The following GRM7 variants were observed in gnomAD, a reference collection of about 807,000 sequenced individuals.
GRM7 encodes the protein glutamate metabotropic receptor 7.
Under a neutral mutation model 84.5 loss-of-function variants are expected in GRM7, and 35 were observed. The observed-to-expected ratio is 0.41, with a 90% confidence interval of 0.32 to 0.55. GRM7 has a LOEUF of 0.55. Ranked by LOEUF, GRM7 falls within the 20% of genes least tolerant of loss-of-function variation. The pLI, the probability that GRM7 is intolerant of heterozygous loss-of-function variation, is 0.19. For synonymous variants in GRM7, 487 were observed against 455.1 expected, an observed-to-expected ratio of 1.07 and a Z score of -0.89; for missense variants, 1,003 against 1,194.6, an observed-to-expected ratio of 0.84 and a Z score of 2.36.
At chr3:7,646,291 A>G (rs1698633626) in intron 8 of GRM7, among the ~76,000 whole-genome samples, 1 of 152,110 alleles carries the variant, frequency 6.6e-6, no homozygotes, top group African/African-American at 2.4e-5. Flanking sequence ...TCCCAGGTTC[A>G]AGCAATTATC....
intron 8 of GRM7, among the ~76,000 whole-genome samples, chr3:7,586,312 A>G (rs1203075886): frequency 6.6e-6 from 1 of 152,176 alleles, no homozygotes; most frequent in Non-Finnish European, 1.5e-5. Flanking sequence ...ATACTGCTCC[A>G]GCCATTCCTC....
At chr3:7,501,450 A>G (rs562441112) in intron 7 of GRM7, among the ~76,000 whole-genome samples, 315 of 152,336 alleles carry the variant, frequency 2.1e-3, no homozygotes, top group Non-Finnish European at 3.8e-3. Flanking sequence ...TACGTGAGTC[A>G]GACTCTATGC....
chr3:7,091,156 T>C (rs1015143217), intron 1 of GRM7, among the ~76,000 whole-genome samples: 1 of 151,822 alleles, frequency 6.6e-6, no homozygotes, highest in Non-Finnish European at 1.5e-5. Context: ...ATAGAGGTAT[T>C]TTATAGGTTA....
intron 7 of GRM7, among the ~76,000 whole-genome samples, chr3:7,496,974 A>C (rs1314066364): frequency 6.6e-6 from 1 of 151,966 alleles, no homozygotes; most frequent in Non-Finnish European, 1.5e-5. Flanking sequence ...AAGAATAAAA[A>C]TAGGGTTAAT....
chr3:7,484,793 C>T (rs1371681674), intron 7 of GRM7, among the ~76,000 whole-genome samples: 2 of 152,160 alleles, frequency 1.3e-5, no homozygotes, highest in Non-Finnish European at 2.9e-5. Context: ...TGCCCATGTG[C>T]ATTCCCTTCT....
chr3:7,035,033 T>C (rs1696335872), intron 1 of GRM7, among the ~76,000 whole-genome samples: 1 of 152,092 alleles, frequency 6.6e-6, no homozygotes. Flanking sequence ...CCTGTGGATA[T>C]GGGGTGGGCC....
intron 8 of GRM7, 117 bp from the exon 9 acceptor site, chr3:7,679,932 T>C: frequency 1.2e-6 from 1 of 865,602 alleles, no homozygotes; most frequent in Non-Finnish European, 1.8e-6. Flanking sequence ...TTTATCAAAA[T>C]GCCCTGAAGA....
chr3:7,608,303 G>A (rs1575549840), intron 8 of GRM7, among the ~76,000 whole-genome samples: 3 of 152,156 alleles, frequency 2.0e-5, no homozygotes, highest in African/African-American at 4.8e-5. Context: ...TTGAGGAATC[G>A]CTTTCCACTA....
intron 2 of GRM7, among the ~76,000 whole-genome samples, chr3:7,291,515 T>G (rs1699623459): frequency 2.9e-5 from 1 of 34,698 alleles, no homozygotes; most frequent in Non-Finnish European, 6.6e-5. Context: ...TCTCTCTCTC[T>G]CTCTCTCTCT....
chr3:7,633,737 C>A (rs987704082), intron 8 of GRM7, among the ~76,000 whole-genome samples: 3 of 151,978 alleles, frequency 2.0e-5, no homozygotes, highest in African/African-American at 7.3e-5. Context: ...GATGTTCCTT[C>A]CCCGCAATGC....
intron 5 of GRM7, among the ~76,000 whole-genome samples, chr3:7,422,846 A>G (rs1685611877): frequency 6.6e-6 from 1 of 152,158 alleles, no homozygotes; most frequent in East Asian, 1.9e-4. Context: ...TTAGAAAATA[A>G]ATGGTGGAGA....
intron 1 of GRM7, among the ~76,000 whole-genome samples, chr3:7,080,923 C>T (rs890138210): frequency 2.0e-5 from 3 of 152,018 alleles, no homozygotes; most frequent in Non-Finnish European, 4.4e-5. Context: ...TCAATTCATT[C>T]ATTCATTGTA....
At chr3:7,699,069 C>A (rs1469196670) in intron 9 of GRM7, among the ~76,000 whole-genome samples, 1 of 152,044 alleles carries the variant, frequency 6.6e-6, no homozygotes, top group Non-Finnish European at 1.5e-5. Flanking sequence ...AATCTATGCT[C>A]AAAAATCTCA....
At chr3:7,104,251 GCTCT>G (rs988944650) in intron 1 of GRM7, among the ~76,000 whole-genome samples, 4 of 150,234 alleles carry the variant, frequency 2.7e-5, no homozygotes, top group African/African-American at 9.8e-5. Flanking sequence ...TTTCTGTTCT[GCTCT>G]CTTTTATGTG....
At chr3:7,052,504 T>C (rs1017534261) in intron 1 of GRM7, among the ~76,000 whole-genome samples, 2 of 151,634 alleles carry the variant, frequency 1.3e-5, no homozygotes, top group African/African-American at 4.8e-5. Flanking sequence ...AACTCTTCCA[T>C]TGTCCTCCAA....
At chr3:7,286,519 T>A (rs926919669) in intron 2 of GRM7, among the ~76,000 whole-genome samples, 40 of 152,206 alleles carry the variant, frequency 2.6e-4, no homozygotes, top group African/African-American at 9.6e-4. Context: ...CATAGCCTTC[T>A]CATTAATTTT....
At chr3:7,229,753 A>T (rs1459522793) in intron 2 of GRM7, among the ~76,000 whole-genome samples, 45 of 29,274 alleles carry the variant, frequency 1.5e-3, no homozygotes, top group East Asian at 7.4e-3. Context: ...ATATATATAT[A>T]TATATATTTT....
chr3:6,965,679 A>G (rs546736888), intron 1 of GRM7, among the ~76,000 whole-genome samples: 2 of 152,222 alleles, frequency 1.3e-5, no homozygotes, highest in East Asian at 3.9e-4. Flanking sequence ...TGCACCTGAT[A>G]GGTCAGGTAG....
At chr3:6,926,031 A>C (rs929778429) in intron 1 of GRM7, among the ~76,000 whole-genome samples, 26 of 152,184 alleles carry the variant, frequency 1.7e-4, no homozygotes, top group African/African-American at 5.8e-4. Context: ...CGTGCTTCAA[A>C]TGTGGTCCAT....
Sources: allele counts gnomAD v4.1 joint callset (sites outside exome capture counted in the v4.1 genomes callset), GRCh38; gene constraint gnomAD v4.1.1; transcripts MANE v1.5; gene names NCBI Gene and HGNC (gene_info 2026-07-23, HGNC 2026-07-21).